AFDN: variants seen among roughly 807,000 people sequenced by gnomAD.
The protein encoded by AFDN is afadin.
A neutral mutation model predicts 216.6 loss-of-function variants in AFDN; 68 were observed. That is an observed-to-expected ratio of 0.31 (90% CI 0.26 to 0.38). The LOEUF is 0.38. Ranked by LOEUF, AFDN falls within the 10% of genes least tolerant of loss-of-function variation. The probability of loss-of-function intolerance (pLI) is 1.00; values close to 1 mark genes in which losing one functional copy is unlikely to be tolerated. For missense variants in AFDN, 2,136 were observed against 2,342.0 expected (o/e 0.91, Z 1.82); for synonymous variants, 868 against 853.7 (o/e 1.02, Z -0.29).
chr6:167,844,177 AGTGTGTGTGTGTGTGTGTGTGT>A (rs71004173), intron 1 of AFDN, among the ~76,000 whole-genome samples: 26 of 141,694 alleles, frequency 1.8e-4, no homozygotes, highest in Admixed American at 1.3e-3. Context: ...TCAAAAATGA[AGTGTGTGTGTGTGTGTGTGTGT>A]GTGTGTGTGT....
chr6:167,901,503 G>A (rs1788943971), intron 11 of AFDN, among the ~76,000 whole-genome samples: 1 of 152,176 alleles, frequency 6.6e-6, no homozygotes, highest in Non-Finnish European at 1.5e-5. Context: ...TGAAGAATCA[G>A]TTTAAACTAG....
chr6:167,942,561 A>G (rs750769106), intron 23 of AFDN, among the ~76,000 whole-genome samples: 1 of 152,196 alleles, frequency 6.6e-6, no homozygotes, highest in Non-Finnish European at 1.5e-5. Flanking sequence ...ACTTAAGTCT[A>G]TGTAACAGAA....
rs1485557416 is a variant in AFDN, at chr6:167,951,321, A to C, written c.3967A>C (p.Thr1323Pro). ...TCAGAGCTCCTCACTGGACTCCAGT[A>C]CCTCTAGCCAGGAGCATCTGAACCA... ...INQSSSLDSS[T>P]SSQEHLNHSS... Residue 1323 changes from threonine to proline, a missense_variant, in exon 30 of 34, where the codon ACC becomes CCC. Physicochemically the swap from Thr to Pro is conservative, Grantham distance 38. This residue lies in a region of AFDN where 981 missense variants were observed against 966.0 expected (regional missense o/e 1.02). Coordinates refer to ENST00000683244, the MANE Select transcript of AFDN (RefSeq NM_001386888.1). The surrounding 1 kb of genome is among the most constrained non-coding windows in gnomAD (Gnocchi z 7.1). The C allele has an allele frequency of 2.5e-6, 4 of 1,614,160 alleles. No homozygotes were observed. The highest frequency in any genetic ancestry group is 2.5e-6 in the Non-Finnish European group (3 of 1,180,014).
intron 16 of AFDN, chr6:167,913,657 T>C: frequency 1.8e-6 from 1 of 544,536 alleles, no homozygotes; most frequent in Non-Finnish European, 3.2e-6. Context: ...TTCTGTTTCT[T>C]CTCTTTATTA....
intron 1 of AFDN, among the ~76,000 whole-genome samples, chr6:167,837,634 T>C (rs1780594788): frequency 6.6e-6 from 1 of 152,202 alleles, no homozygotes. Context: ...TGTTATCTTT[T>C]TACGTTCTCC....
chr6:167,907,227 G>A lies in AFDN; in HGVS notation c.1707G>A (p.Arg569=). The A allele has an allele frequency of 6.2e-7, 1 of 1,614,198 alleles. No individual in the cohort carries two copies. Among genetic ancestry groups the A allele is most frequent in the Non-Finnish European group, 8.5e-7 (1 of 1,180,016 alleles). The change falls in exon 13 of 34, where the codon CGG becomes CGA. Residue 569 remains arginine (R), a synonymous_variant. Coordinates refer to ENST00000683244, the MANE Select transcript of AFDN (RefSeq NM_001386888.1). ...CGTCTGCCTCTAGCACAGCCGAGCG[G>A]GGAATGGTGAAGCCGATGATCAGAG... The part of the protein sequence containing the change: ...RVSSASSTAE[R]GMVKPMIRVE...
chr6:167,872,466 T>A, intron 4 of AFDN, 89 bp downstream of exon 4: 5 of 1,375,652 alleles, frequency 3.6e-6, no homozygotes, highest in Non-Finnish European at 5.0e-6. Context: ...TCAGATAAAT[T>A]ATGGAAAGGA....
intron 27 of AFDN, among the ~76,000 whole-genome samples, chr6:167,947,318 T>C (rs1471787594): frequency 2.0e-5 from 3 of 152,108 alleles, no homozygotes; most frequent in Non-Finnish European, 4.4e-5. Flanking sequence ...TGGCTGGGAC[T>C]ATGGGCGCCC....
At chr6:167,839,517 A>G (rs1780813920) in intron 1 of AFDN, among the ~76,000 whole-genome samples, 3 of 152,190 alleles carry the variant, frequency 2.0e-5, no homozygotes, top group East Asian at 1.9e-4. Context: ...AGATGAAGGA[A>G]TGAAGTAATC....
chr6:167,918,109 T>G (rs979069755), intron 20 of AFDN, among the ~76,000 whole-genome samples: 9 of 152,228 alleles, frequency 5.9e-5, no homozygotes, highest in African/African-American at 2.2e-4. Flanking sequence ...TCTCTTTTCT[T>G]GAACAGAAGT....
At chr6:167,936,447 AATT>A (rs1794009682) in intron 23 of AFDN, among the ~76,000 whole-genome samples, 1 of 152,252 alleles carries the variant, frequency 6.6e-6, no homozygotes, top group Non-Finnish European at 1.5e-5. Flanking sequence ...TAAAGACACT[AATT>A]ATTTTAATAA....
At chr6:167,856,656 T>G (rs2128200426) in intron 1 of AFDN, among the ~76,000 whole-genome samples, 2 of 152,252 alleles carry the variant, frequency 1.3e-5, no homozygotes, top group South Asian at 4.1e-4. Flanking sequence ...TGCACTGTGC[T>G]AGGTGCTTTT....
chr6:167,969,342 C>T, intron 33 of AFDN, 144 bp downstream of exon 33: 2 of 670,158 alleles, frequency 3.0e-6, no homozygotes, highest in Non-Finnish European at 5.3e-6. Context: ...TGCTATTGCC[C>T]CAAGTGTTCT....
In AFDN at chr6:167,965,897, C is replaced by A; in HGVS notation, c.5109C>A (p.Ser1703=). The change falls in exon 32 of 34, where the codon TCC becomes TCA. Residue 1703 remains serine (S), a synonymous_variant. Coordinates refer to ENST00000683244, the MANE Select transcript of AFDN (RefSeq NM_001386888.1). ...PPLPRDYEPP[S]PSPAPGAPPP... ...TTCCCCGGGACTACGAGCCCCCGTCCCCGTCCCCCGCGCCCGGCGCCCCTC... is the reference window on the plus strand; with the variant it reads ...TTCCCCGGGACTACGAGCCCCCGTCACCGTCCCCCGCGCCCGGCGCCCCTC... The A allele has an allele frequency of 6.5e-7, 1 of 1,549,376 alleles. No homozygotes were observed. Among genetic ancestry groups the A allele is most frequent in the East Asian group, 2.4e-5 (1 of 40,892 alleles).
intron 2 of AFDN, 83 bp downstream of exon 2, chr6:167,864,829 C>A: frequency 7.4e-7 from 1 of 1,346,710 alleles, no homozygotes. Context: ...GTGGTCATGT[C>A]AGGTTTACTG....
chr6:167,943,634 AAT>A (rs1794948066), intron 25 of AFDN, among the ~76,000 whole-genome samples, 159 bp downstream of exon 25: 1 of 152,212 alleles, frequency 6.6e-6, no homozygotes, highest in South Asian at 2.1e-4. Flanking sequence ...TCAAATTATA[AAT>A]ATATATTTTA....
At chr6:167,891,407 GGGTGT>G (rs1787571289) in intron 8 of AFDN, among the ~76,000 whole-genome samples, 14 of 60,316 alleles carry the variant, frequency 2.3e-4, no homozygotes, top group African/African-American at 1.2e-3. Flanking sequence ...ATAAAGGGGT[GGGTGT>G]GTGTGTGTGT....
In AFDN at chr6:167,943,819, A is replaced by G. The variant is rs1228095104; in HGVS notation, c.3240-122A>G. 6 of 857,854 alleles carry G rather than the reference A, an allele frequency of 7.0e-6. No homozygotes were observed. The Admixed American group carries it at 1.1e-4, about 16-fold the overall frequency. 53.1% of individuals were successfully genotyped at this position (857,854 alleles called of 1,614,324 possible). A position where few individuals can be genotyped will look rare whatever the true frequency, so the allele number is the denominator to read the frequency against. On this transcript the variant is annotated intron_variant, in intron 25 of 33. Coordinates refer to ENST00000683244, the MANE Select transcript of AFDN (RefSeq NM_001386888.1). ...AGTAAGCTGTCTGGAAGTCAGAACCATTACTCAAAATAATAGATGAAGCTG... is the reference window on the plus strand; with the variant it reads ...AGTAAGCTGTCTGGAAGTCAGAACCGTTACTCAAAATAATAGATGAAGCTG...
chr6:167,937,833 G>A (rs143729537), intron 23 of AFDN, among the ~76,000 whole-genome samples: 45 of 152,190 alleles, frequency 3.0e-4, no homozygotes, highest in Middle Eastern at 3.4e-3. Flanking sequence ...TGGGCATATC[G>A]GTTGCTTCTT....
Sources: gnomAD v4.1 joint callset for allele counts (sites outside exome capture counted in the v4.1 genomes callset) on GRCh38, gnomAD v4.1.1 for gene constraint, gnomAD v4.1.1 regional missense constraint, Gnocchi (gnomAD v3.1) non-coding constraint, MANE v1.5 for transcripts, NCBI Gene and HGNC (gene_info 2026-07-23, HGNC 2026-07-21) for gene names.